The following DMD variants were observed in gnomAD, a reference collection of about 807,000 sequenced individuals.
DMD encodes the protein dystrophin.
DMD carries 63 observed loss-of-function variants against 330.1 expected under a neutral mutation model. The ratio of observed to expected loss-of-function variants is 0.19; its 90% CI spans 0.16 to 0.24. DMD has a LOEUF of 0.24. DMD is among the 10% of genes least tolerant of loss of function. The pLI is 1.00. For synonymous variants in DMD, 1,223 were observed against 959.8 expected, an observed-to-expected ratio of 1.27 and a Z score of -5.07; for missense variants, 3,344 against 2,684.1, an observed-to-expected ratio of 1.25 and a Z score of -5.43.
chrX:31,154,623 C>T (rs750121380), intron 74 of DMD, among the ~76,000 whole-genome samples: 2 of 111,215 alleles, frequency 1.8e-5, no homozygotes, highest in South Asian at 7.7e-4. Context: ...ACAATGCACT[C>T]GTTTTAACAG....
chrX:31,759,746 C>T (rs1290382334), intron 51 of DMD, among the ~76,000 whole-genome samples: 1 of 111,766 alleles, frequency 8.9e-6, no homozygotes, highest in Non-Finnish European at 1.9e-5. Flanking sequence ...TAAATTCTTT[C>T]CCTCAGACAG....
intron 34 of DMD, among the ~76,000 whole-genome samples, chrX:32,367,529 A>G (rs1470338062): frequency 8.9e-6 from 1 of 112,505 alleles, no homozygotes; most frequent in Admixed American, 9.4e-5. Flanking sequence ...TATTGTGTAC[A>G]TAGATTTTGT....
intron 69 of DMD, among the ~76,000 whole-genome samples, chrX:31,179,091 G>C (rs999941696): frequency 1.8e-5 from 2 of 112,191 alleles, no homozygotes; most frequent in Non-Finnish European, 3.8e-5. Flanking sequence ...AGCTTACTAG[G>C]CTACTCAATA....
chrX:32,861,574 C>CATT lies in DMD; in HGVS notation c.94-11755_94-11754insAAT, dbSNP rs36012222. ...ACTGGAACTAGTAATAGAGAAGTGT[C>CATT]ACTACTACTCTTAGACTCCTAAGAA... On this transcript the variant is annotated intron_variant, in intron 2 of 78. Transcript: ENST00000357033. Among the ~76,000 whole-genome samples, 126 of 111,395 alleles carry CATT rather than the reference C, an allele frequency of 1.1e-3. 1 individual carries two copies. Among genetic ancestry groups the CATT allele is most frequent in the Non-Finnish European group, 2.1e-3 (112 of 53,114 alleles).
chrX:33,194,910 C>T (rs1269264519), intron 1 of DMD, among the ~76,000 whole-genome samples: 2 of 111,532 alleles, frequency 1.8e-5, no homozygotes, highest in Non-Finnish European at 1.9e-5. Flanking sequence ...ATATTACAAA[C>T]ATTTAAGTGC....
At chrX:32,817,954 T>G (rs1361911131) in intron 5 of DMD, among the ~76,000 whole-genome samples, 1 of 112,300 alleles carries the variant, frequency 8.9e-6, no homozygotes, top group Non-Finnish European at 1.9e-5. Flanking sequence ...ACTAAGCCTA[T>G]TATTTAGGAG....
At chrX:31,228,589 A>C (rs2046905900) in intron 63 of DMD, among the ~76,000 whole-genome samples, 1 of 111,986 alleles carries the variant, frequency 8.9e-6, no homozygotes, top group Admixed American at 9.5e-5. Flanking sequence ...TCCTGGGCTA[A>C]AGCTTGGGAT....
chrX:32,189,632 T>A (rs2096963168), intron 44 of DMD, among the ~76,000 whole-genome samples: 1 of 109,981 alleles, frequency 9.1e-6, no homozygotes, highest in South Asian at 3.8e-4. Context: ...CTAGGATTTT[T>A]TTTTTTTTCC....
intron 44 of DMD, among the ~76,000 whole-genome samples, chrX:32,163,568 T>C (rs1266908764): frequency 1.8e-5 from 2 of 111,995 alleles, no homozygotes; most frequent in South Asian, 3.7e-4. Context: ...TTCAGTACCA[T>C]GTATCAAAAT....
intron 17 of DMD, 132 bp from the exon 18 acceptor site, chrX:32,518,263 A>G (rs2046060131): frequency 1.6e-6 from 1 of 637,254 alleles, no homozygotes; most frequent in Non-Finnish European, 2.4e-6. Flanking sequence ...ATTAGTATTA[A>G]TAGCAGCACT....
chrX:32,446,474 A>G (rs1280705568), intron 27 of DMD, among the ~76,000 whole-genome samples: 1 of 110,428 alleles, frequency 9.1e-6, no homozygotes, highest in East Asian at 2.8e-4. Context: ...TACTCAGGGC[A>G]AAATAAAGGC....
chrX:32,282,191 A>G (rs2097423114), intron 43 of DMD, among the ~76,000 whole-genome samples: 1 of 111,970 alleles, frequency 8.9e-6, no homozygotes, highest in Admixed American at 9.5e-5. Flanking sequence ...ACAGGATAGT[A>G]AAGATGGTAT....
chrX:31,810,922 T>A (rs1463564360), intron 50 of DMD, among the ~76,000 whole-genome samples: 1 of 111,894 alleles, frequency 8.9e-6, no homozygotes, highest in Non-Finnish European at 1.9e-5. Context: ...TGAAGAGTGT[T>A]AAATAGCATA....
At chrX:32,019,650 TCTAAAACTTC>T (rs1315101122) in intron 44 of DMD, among the ~76,000 whole-genome samples, 3 of 112,213 alleles carry the variant, frequency 2.7e-5, no homozygotes, top group Non-Finnish European at 5.6e-5. Flanking sequence ...TCTTATTTGT[TCTAAAACTTC>T]CTTACGTATG....
chrX:33,135,551 G>A (rs2095522037), intron 1 of DMD, among the ~76,000 whole-genome samples: 1 of 111,876 alleles, frequency 8.9e-6, no homozygotes, highest in Admixed American at 9.5e-5. Flanking sequence ...ATTTAACTAC[G>A]TTGGAAAACC....
intron 1 of DMD, among the ~76,000 whole-genome samples, chrX:33,240,016 G>T (rs1288198910): frequency 1.8e-5 from 2 of 111,149 alleles, no homozygotes; most frequent in Non-Finnish European, 3.8e-5. Flanking sequence ...TGGGTCCCAT[G>T]CCCAAGATAC....
chrX:33,324,146 A>G (rs180831245), intron 1 of DMD, among the ~76,000 whole-genome samples: 4 of 111,960 alleles, frequency 3.6e-5, no homozygotes, highest in African/African-American at 9.7e-5. Context: ...TACCAGAAGT[A>G]GACCCTGAGC....
At chrX:32,467,969 T>G (rs2040220096) in intron 23 of DMD, among the ~76,000 whole-genome samples, 2 of 110,269 alleles carry the variant, frequency 1.8e-5, no homozygotes. Context: ...ATAATGCAAT[T>G]TTATGAACAT....
At chrX:31,514,667 A>G (rs1420247263) in intron 55 of DMD, among the ~76,000 whole-genome samples, 1 of 112,573 alleles carries the variant, frequency 8.9e-6, no homozygotes, top group East Asian at 2.8e-4. Flanking sequence ...AGAACACAAG[A>G]GATCTTTAAT....
Sources: gnomAD v4.1 joint callset for allele counts (sites outside exome capture counted in the v4.1 genomes callset) on GRCh38, gnomAD v4.1.1 for gene constraint, MANE v1.5 for transcripts, NCBI Gene and HGNC (gene_info 2026-07-23, HGNC 2026-07-21) for gene names.